ZRANB3: variants seen among roughly 807,000 people sequenced by gnomAD.
The protein encoded by ZRANB3 is zinc finger RANBP2-type containing 3, also known as DNA annealing helicase and endonuclease ZRANB3.
Under a neutral mutation model 133.8 loss-of-function variants are expected in ZRANB3, and 125 were observed. The observed-to-expected ratio is 0.93, with a 90% CI of 0.81 to 1.08. The LOEUF (loss-of-function observed/expected upper bound fraction) is 1.08. ZRANB3 is among the 50% of genes least tolerant of loss of function. ZRANB3 has a pLI of 0.00. For missense variants in ZRANB3, 1,229 were observed against 1,275.5 expected, an observed-to-expected ratio of 0.96 and a Z score of 0.56; for synonymous variants, 387 against 432.7, an observed-to-expected ratio of 0.89 and a Z score of 1.31.
At chr2:135,377,019 C>T (rs1411270882) in intron 3 of ZRANB3, among the ~76,000 whole-genome samples, 1 of 152,308 alleles carries the variant, frequency 6.6e-6, no homozygotes, top group East Asian at 1.9e-4. Flanking sequence ...AGGAACTGTA[C>T]ATTACACCAT....
chr2:135,379,781 T>C (rs138543731), intron 3 of ZRANB3, among the ~76,000 whole-genome samples: 2 of 152,248 alleles, frequency 1.3e-5, no homozygotes, highest in East Asian at 3.9e-4. Flanking sequence ...GCTAACATCA[T>C]AATGACAGGA....
intron 2 of ZRANB3, among the ~76,000 whole-genome samples, chr2:135,451,739 T>C (rs1045993670): frequency 1.3e-5 from 2 of 152,030 alleles, no homozygotes; most frequent in East Asian, 1.9e-4. Flanking sequence ...TTTAAACCAC[T>C]AGAAGGATAT....
chr2:135,222,790 C>G (rs1178134419), intron 15 of ZRANB3, among the ~76,000 whole-genome samples: 2 of 151,792 alleles, frequency 1.3e-5, no homozygotes, highest in Non-Finnish European at 2.9e-5. Context: ...GGGTTTGTTT[C>G]TCTTAAAATA....
chr2:135,292,898 T>C (rs577173357), intron 8 of ZRANB3, among the ~76,000 whole-genome samples: 82 of 151,988 alleles, frequency 5.4e-4, no homozygotes, highest in Admixed American at 4.3e-3. Flanking sequence ...AAAGATCAGA[T>C]AGCTGTAGAT....
At chr2:135,500,237 G>A (rs1362855347) in intron 2 of ZRANB3, among the ~76,000 whole-genome samples, 1 of 152,064 alleles carries the variant, frequency 6.6e-6, no homozygotes, top group East Asian at 1.9e-4. Context: ...CTACTAAAGT[G>A]GAAAACATGC....
At chr2:135,243,408 G>A (rs1028167519) in intron 12 of ZRANB3, among the ~76,000 whole-genome samples, 1 of 152,134 alleles carries the variant, frequency 6.6e-6, no homozygotes, top group Non-Finnish European at 1.5e-5. Flanking sequence ...AGCTACTCAG[G>A]AGGCTGAGGC....
At chr2:135,492,640 A>C (rs1409232196) in intron 2 of ZRANB3, among the ~76,000 whole-genome samples, 1 of 152,168 alleles carries the variant, frequency 6.6e-6, no homozygotes, top group Admixed American at 6.5e-5. Context: ...AGTAAAGGTA[A>C]TTTACAATGT....
intron 15 of ZRANB3, among the ~76,000 whole-genome samples, chr2:135,221,005 T>C (rs1694530821): frequency 6.6e-6 from 1 of 151,806 alleles, no homozygotes; most frequent in Non-Finnish European, 1.5e-5. Flanking sequence ...TACTGGTGCC[T>C]GCCACCATGC....
intron 3 of ZRANB3, among the ~76,000 whole-genome samples, chr2:135,374,621 C>G (rs1205946477): frequency 6.6e-6 from 1 of 151,566 alleles, no homozygotes; most frequent in Non-Finnish European, 1.5e-5. Flanking sequence ...CCTGCCTCAG[C>G]CTCCTGAGTA....
chr2:135,482,265 A>T (rs1308026783), intron 2 of ZRANB3, among the ~76,000 whole-genome samples: 1 of 134,404 alleles, frequency 7.4e-6, no homozygotes, highest in African/African-American at 3.5e-5. Context: ...ATGTTCTTCC[A>T]TTTGTTTGTA....
intron 1 of ZRANB3, among the ~76,000 whole-genome samples, chr2:135,528,984 AGATT>A (rs1255655639): frequency 6.6e-6 from 1 of 152,256 alleles, no homozygotes; most frequent in Non-Finnish European, 1.5e-5. Flanking sequence ...CTTGACTTAG[AGATT>A]GAAACAGTAA....
At chr2:135,468,153 C>T (rs1691080304) in intron 2 of ZRANB3, among the ~76,000 whole-genome samples, 1 of 152,166 alleles carries the variant, frequency 6.6e-6, no homozygotes, top group Non-Finnish European at 1.5e-5. Context: ...TGGATCAGTA[C>T]AAGTACTACT....
chr2:135,210,309 G>T (rs1188714137), intron 17 of ZRANB3, among the ~76,000 whole-genome samples: 2 of 151,326 alleles, frequency 1.3e-5, no homozygotes, highest in Non-Finnish European at 2.9e-5. Flanking sequence ...TTGCAGAAAT[G>T]CTGATTAATT....
chr2:135,306,591 CTTTTT>C, intron 8 of ZRANB3, among the ~76,000 whole-genome samples: 1 of 112,106 alleles, frequency 8.9e-6, no homozygotes, highest in Non-Finnish European at 1.9e-5. Context: ...CGCACCCGGC[CTTTTT>C]TTTTTTTTTT....
chr2:135,504,456 T>C lies in ZRANB3; in HGVS notation c.34A>G (p.Thr12Ala). The C allele has an allele frequency of 6.2e-7, 1 of 1,613,352 alleles. No homozygotes were observed. Among genetic ancestry groups the C allele is most frequent in the Non-Finnish European group, 8.5e-7 (1 of 1,179,690 alleles). ...PRVHNIKKSLTPHISCVTNES... is the reference protein window; with the variant it reads ...PRVHNIKKSLAPHISCVTNES... ...TTTGTCACACAAGAAATGTGAGGTG[T>C]AAGAGACTTTTTTATGTTATGAACC... The change falls in exon 2 of 21, where the codon ACA becomes GCA. Residue 12 changes from threonine to alanine, a missense_variant. Transcript: ENST00000264159.
chr2:135,302,545 G>A (rs1253202654), intron 8 of ZRANB3, among the ~76,000 whole-genome samples: 1 of 145,330 alleles, frequency 6.9e-6, no homozygotes, highest in African/African-American at 2.6e-5. Flanking sequence ...TTTTTTTTGA[G>A]ATGGGAGTCT....
At chr2:135,504,637 C>A in intron 1 of ZRANB3, 141 bp from the exon 2 acceptor site, 1 of 798,138 alleles carries the variant, frequency 1.3e-6, no homozygotes, top group Non-Finnish European at 1.9e-6. Flanking sequence ...ATCATATTCT[C>A]ACAGTAAGCT....
chr2:135,467,025 G>A (rs1477580529), intron 2 of ZRANB3, among the ~76,000 whole-genome samples: 3 of 152,138 alleles, frequency 2.0e-5, no homozygotes, highest in African/African-American at 7.2e-5. Flanking sequence ...GATTCTTTAA[G>A]TGTGATGCTA....
At chr2:135,427,803 C>G (rs1445656654) in intron 2 of ZRANB3, among the ~76,000 whole-genome samples, 1 of 152,132 alleles carries the variant, frequency 6.6e-6, no homozygotes, top group African/African-American at 2.4e-5. Flanking sequence ...TCAAACTATA[C>G]TAAAAGGCTA....
Sources: gnomAD v4.1 joint callset for allele counts (sites outside exome capture counted in the v4.1 genomes callset) on GRCh38, gnomAD v4.1.1 for gene constraint, MANE v1.5 for transcripts, NCBI Gene and HGNC (gene_info 2026-07-23, HGNC 2026-07-21) for gene names.